The following RPAP2 variants were observed in gnomAD, a reference collection of about 807,000 sequenced individuals.
The protein encoded by RPAP2 is RNA polymerase II associated protein 2, also known as putative RNA polymerase II subunit B1 CTD phosphatase RPAP2.
In RPAP2, 52 loss-of-function variants were observed where a neutral mutation model predicts 73.1. That is an observed-to-expected ratio of 0.71 (90% confidence interval 0.57 to 0.90). RPAP2 has a LOEUF of 0.90. RPAP2 is among the 40% of genes least tolerant of loss of function. The pLI is 0.00. For synonymous variants in RPAP2, 225 were observed against 242.1 expected, an observed-to-expected ratio of 0.93 and a Z score of 0.65; for missense variants, 598 against 701.8, an observed-to-expected ratio of 0.85 and a Z score of 1.67.
At chr1:92,324,865 T>C (rs992331022) in intron 8 of RPAP2, among the ~76,000 whole-genome samples, 1 of 152,310 alleles carries the variant, frequency 6.6e-6, no homozygotes. Context: ...TGGGAAATAA[T>C]GGACAAAGAG....
intron 11 of RPAP2, among the ~76,000 whole-genome samples, chr1:92,349,002 T>C (rs1654059381): frequency 6.6e-6 from 1 of 152,178 alleles, no homozygotes; most frequent in African/African-American, 2.4e-5. Context: ...CATGCACACG[T>C]TATTTGTGGA....
At chr1:92,384,453 G>A (rs913967263) in intron 12 of RPAP2, among the ~76,000 whole-genome samples, 1 of 150,642 alleles carries the variant, frequency 6.6e-6, no homozygotes, top group Admixed American at 6.6e-5. Context: ...GTGAAACCCT[G>A]TCTCTACTAA....
chr1:92,393,810 T>C lies in RPAP2; in HGVS notation c.*6799T>C, dbSNP rs1277390101. 6.6e-6 allele frequency: 1 copy of C among 152,134 alleles called. No individual in the cohort carries two copies. Among genetic ancestry groups the C allele is most frequent in the Non-Finnish European group, 1.5e-5 (1 of 68,024 alleles). The allele number at this position is 152,134 out of a possible 1,614,324, so 9.4% of individuals were successfully genotyped here. A position where few individuals can be genotyped will look rare whatever the true frequency, so the allele number is the denominator to read the frequency against. ...TCATGCCAGTTAGAATGGCGATCAT[T>C]AAAAATCAGGAAACAATAGATGCTG... On this transcript the variant is annotated 3_prime_UTR_variant, in exon 13 of 13. Coordinates refer to ENST00000610020, the MANE Select transcript of RPAP2 (RefSeq NM_024813.3).
chr1:92,304,718 T>G (rs1651084541), intron 5 of RPAP2, among the ~76,000 whole-genome samples: 1 of 152,174 alleles, frequency 6.6e-6, no homozygotes, highest in South Asian at 2.1e-4. Flanking sequence ...GATGGATTTT[T>G]CAATAAATTA....
At chr1:92,342,583 A>G (rs1400085686) in intron 10 of RPAP2, among the ~76,000 whole-genome samples, 3 of 152,220 alleles carry the variant, frequency 2.0e-5, no homozygotes, top group African/African-American at 4.8e-5. Flanking sequence ...CAAGTTGATA[A>G]TTACAACAGA....
chr1:92,381,566 G>A (rs932112937), intron 12 of RPAP2, among the ~76,000 whole-genome samples: 19 of 147,924 alleles, frequency 1.3e-4, no homozygotes, highest in African/African-American at 4.7e-4. Flanking sequence ...AGCTACAAAT[G>A]AGATTCTCTC....
chr1:92,379,870 T>C (rs1655548101), intron 11 of RPAP2, among the ~76,000 whole-genome samples: 1 of 149,294 alleles, frequency 6.7e-6, no homozygotes. Context: ...AGGAGGTTGC[T>C]GTGAGCTGAG....
Position 92,333,412 on chromosome 1 carries a change from A to G in RPAP2, c.1477A>G (p.Ile493Val). ...TCAGCATGATTCCACCTTTCCACTG[A>G]TAGACTCAAGTTCCCAGAACCAGAT... is the stretch of plus-strand genomic sequence containing the variant. Reference protein sequence around the residue: ...SEEHDSTFPLIDSSSQNQIRK... With the variant: ...SEEHDSTFPLVDSSSQNQIRK... Residue 493 changes from isoleucine to valine, a missense_variant, in exon 9 of 13, where the codon ATA becomes GTA. Around this residue, in one of 3 missense-constraint regions of RPAP2, gnomAD observed 506 missense variants for 612.8 expected, o/e 0.83. Transcript: ENST00000610020. 6.2e-7 allele frequency: 1 copy of G among 1,613,530 alleles called. No homozygotes were observed. Among genetic ancestry groups the G allele is most frequent in the South Asian group, 1.1e-5 (1 of 91,064 alleles).
rs1656085969 is a variant in RPAP2 at position 92,392,695 on chromosome 1, T to G, written c.*5684T>G. The G allele has an allele frequency of 6.6e-6, 1 of 152,218 alleles. No homozygotes were observed. The highest frequency in any genetic ancestry group is 2.4e-5 in the African/African-American group (1 of 41,438). The allele number at this position is 152,218 out of a possible 1,614,324, so 9.4% of individuals were successfully genotyped here. A position where few individuals can be genotyped will look rare whatever the true frequency, so the allele number is the denominator to read the frequency against. ...AAGCAACTTCAGCAAAGTCTCAGGA[T>G]ACAAAATCGGTGTGCAAAAATCACA... On this transcript the variant is annotated 3_prime_UTR_variant, in exon 13 of 13. Transcript: ENST00000610020.
Position 92,397,834 on chromosome 1 carries a change from C to T in RPAP2, c.*10823C>T, listed in dbSNP as rs1393571163. 2 of 152,246 alleles carry T rather than the reference C, an allele frequency of 1.3e-5. No individual in the cohort carries two copies. The highest frequency in any genetic ancestry group is 2.9e-5 in the Non-Finnish European group (2 of 68,090). The allele number at this position is 152,246 out of a possible 1,614,324, so 9.4% of individuals were successfully genotyped here. ...GTGCTCAAAAACAAAAGGATAGAAG[C>T]ATGTCAGACAGACACAGGAGCCAAT... On this transcript the variant is annotated 3_prime_UTR_variant, in exon 13 of 13. Transcript: ENST00000610020.
chr1:92,378,757 C>A (rs749137195), intron 11 of RPAP2, among the ~76,000 whole-genome samples: 4 of 152,174 alleles, frequency 2.6e-5, no homozygotes, highest in Non-Finnish European at 5.9e-5. Context: ...AAGCTGGCCA[C>A]AACTCTAGGT....
intron 11 of RPAP2, among the ~76,000 whole-genome samples, chr1:92,354,476 T>C (rs1425389361): frequency 1.3e-5 from 2 of 152,194 alleles, no homozygotes; most frequent in African/African-American, 2.4e-5. Context: ...CCCAGCCCTT[T>C]AAACAAACCT....
intron 11 of RPAP2, among the ~76,000 whole-genome samples, chr1:92,350,425 AT>A (rs1330176907): frequency 1.3e-5 from 2 of 152,168 alleles, no homozygotes; most frequent in East Asian, 3.8e-4. Flanking sequence ...AATTGCTCAG[AT>A]TTATTGCTTA....
chr1:92,365,586 C>T (rs543903758), intron 11 of RPAP2, among the ~76,000 whole-genome samples: 1 of 152,214 alleles, frequency 6.6e-6, no homozygotes, highest in South Asian at 2.1e-4. Context: ...GCTGCATATA[C>T]CAGGATTTGC....
chr1:92,336,951 A>G (rs557114236), intron 10 of RPAP2, among the ~76,000 whole-genome samples: 2 of 152,224 alleles, frequency 1.3e-5, no homozygotes, highest in South Asian at 2.1e-4. Context: ...ATTGTGAGTG[A>G]AACTGTTGTG....
At position 92,321,944 on chromosome 1, in the gene RPAP2, CTT is replaced by C. The variant is rs529045202; in HGVS notation, c.524+1327_524+1328del. Reference sequence around the variant, plus strand: ...AGAAACCGATAATGAAATTTTCTTTCTTTTTTTTTTTTTTTTTTCAAGACAGA... The same window carrying C: ...AGAAACCGATAATGAAATTTTCTTTCTTTTTTTTTTTTTTTTCAAGACAGA... On this transcript the variant is annotated intron_variant, in intron 7 of 12. Coordinates refer to ENST00000610020, the MANE Select transcript of RPAP2 (RefSeq NM_024813.3). 3.3e-3 allele frequency among the ~76,000 whole-genome samples: 346 copies of C among 106,034 alleles called. 2 individuals carry two copies. The highest frequency in any genetic ancestry group is 0.011 in the South Asian group (33 of 3,044). 69.6% of individuals were successfully genotyped at this position (106,034 alleles called of 152,430 possible).
intron 11 of RPAP2, among the ~76,000 whole-genome samples, chr1:92,358,104 G>A (rs922456968): frequency 1.3e-5 from 2 of 152,142 alleles, no homozygotes; most frequent in African/African-American, 4.8e-5. Flanking sequence ...GTCTTTCAGA[G>A]ATCTGGAGCC....
intron 5 of RPAP2, among the ~76,000 whole-genome samples, chr1:92,304,789 A>G (rs986779306): frequency 2.6e-5 from 4 of 152,192 alleles, no homozygotes; most frequent in Non-Finnish European, 4.4e-5. Flanking sequence ...CTCAGTCTCT[A>G]TACATAGATC....
rs138729829 is a variant in RPAP2, at chr1:92,348,141, G to A, written c.1688+2227G>A. Among the ~76,000 whole-genome samples the A allele has an allele frequency of 7.5e-3, 1,147 of 152,182 alleles. 15 individuals are homozygous for A. The highest frequency in any genetic ancestry group is 0.026 in the African/African-American group (1,100 of 41,534). On this transcript the variant is annotated intron_variant, in intron 11 of 12. Transcript: ENST00000610020. ...CCTGACCTTGTGATCCACCCGCCTC[G>A]GCCTCCCAAAGTGCTGTGATTACAG... is the stretch of plus-strand genomic sequence containing the variant.
Sources: gnomAD v4.1 joint callset for allele counts (sites outside exome capture counted in the v4.1 genomes callset) on GRCh38, gnomAD v4.1.1 for gene constraint, gnomAD v4.1.1 regional missense constraint, MANE v1.5 for transcripts, NCBI Gene and HGNC (gene_info 2026-07-23, HGNC 2026-07-21) for gene names.